LRRC4C: variants seen among roughly 807,000 people sequenced by gnomAD.
The protein encoded by LRRC4C is leucine-rich repeat-containing protein 4C.
In LRRC4C, 5 loss-of-function variants were observed where a neutral mutation model predicts 33.6. That is an observed-to-expected ratio of 0.15 (90% CI 0.08 to 0.31). The LOEUF is 0.31. LRRC4C is among the 10% of genes least tolerant of loss of function. LRRC4C has a pLI of 1.00. For synonymous variants in LRRC4C, 329 were observed against 302.0 expected (o/e 1.09, Z -0.93); for missense variants, 560 against 796.7 (o/e 0.70, Z 3.58).
At chr11:41,030,881 T>C (rs1245261643) in intron 1 of LRRC4C, among the ~76,000 whole-genome samples, 2 of 151,790 alleles carry the variant, frequency 1.3e-5, no homozygotes, top group African/African-American at 2.4e-5. Context: ...TTTCATTATA[T>C]ATGAGGCCAG....
chr11:41,149,244 G>A (rs533125078), intron 1 of LRRC4C, among the ~76,000 whole-genome samples: 49 of 152,234 alleles, frequency 3.2e-4, no homozygotes, highest in African/African-American at 1.1e-3. Flanking sequence ...GGTGGCTCAC[G>A]CCTGTAATCC....
At chr11:40,193,140 C>T (rs1190734628) in intron 5 of LRRC4C, among the ~76,000 whole-genome samples, 3 of 152,110 alleles carry the variant, frequency 2.0e-5, no homozygotes, top group African/African-American at 7.2e-5. Flanking sequence ...GGTTCCTGAC[C>T]CCTGTGCCTC....
intron 3 of LRRC4C, among the ~76,000 whole-genome samples, chr11:40,628,172 T>C (rs1963129171): frequency 6.6e-6 from 1 of 152,148 alleles, no homozygotes; most frequent in Non-Finnish European, 1.5e-5. Flanking sequence ...AGTCCAATGC[T>C]CAGAGATTAA....
intron 1 of LRRC4C, among the ~76,000 whole-genome samples, chr11:41,250,060 T>G: frequency 6.6e-6 from 1 of 151,894 alleles, no homozygotes; most frequent in East Asian, 1.9e-4. Context: ...TCCCAGCTAC[T>G]TGGGAGGCTG....
chr11:41,314,020 C>T (rs1950714483), intron 1 of LRRC4C, among the ~76,000 whole-genome samples: 1 of 152,092 alleles, frequency 6.6e-6, no homozygotes, highest in East Asian at 1.9e-4. Context: ...CCTTCATAGG[C>T]AGTTTCCTTC....
At chr11:40,790,072 C>A (rs1591726711) in intron 2 of LRRC4C, among the ~76,000 whole-genome samples, 1 of 152,118 alleles carries the variant, frequency 6.6e-6, no homozygotes, top group Admixed American at 6.5e-5. Flanking sequence ...GGAATTAAAA[C>A]CATATCCTTA....
intron 5 of LRRC4C, among the ~76,000 whole-genome samples, chr11:40,213,968 C>G (rs941566046): frequency 6.6e-6 from 1 of 152,124 alleles, no homozygotes; most frequent in Admixed American, 6.5e-5. Flanking sequence ...ACTTGCTCAA[C>G]CTCACACAGC....
intron 2 of LRRC4C, among the ~76,000 whole-genome samples, chr11:40,782,683 C>T (rs115951735): frequency 0.021 from 3,207 of 152,146 alleles, 100 homozygotes; most frequent in African/African-American, 0.074. Flanking sequence ...GTTCCTATGA[C>T]AAAGATTATT....
At chr11:41,324,673 T>C (rs1359809217) in intron 1 of LRRC4C, among the ~76,000 whole-genome samples, 1 of 152,170 alleles carries the variant, frequency 6.6e-6, no homozygotes, top group African/African-American at 2.4e-5. Context: ...AGACCCAAAA[T>C]TGTCATAAAG....
intron 1 of LRRC4C, among the ~76,000 whole-genome samples, chr11:40,966,290 AT>A (rs1851360496): frequency 6.6e-6 from 1 of 151,980 alleles, no homozygotes; most frequent in South Asian, 2.1e-4. Flanking sequence ...GTAGAAAGTC[AT>A]TTAAGATGCA....
intron 4 of LRRC4C, among the ~76,000 whole-genome samples, chr11:40,319,370 G>A (rs183828214): frequency 6.6e-6 from 1 of 152,290 alleles, no homozygotes; most frequent in African/African-American, 2.4e-5. Flanking sequence ...GCCATGTTGG[G>A]AGAGCCTGCA....
At chr11:40,635,524 C>T (rs907287271) in intron 3 of LRRC4C, among the ~76,000 whole-genome samples, 1 of 151,570 alleles carries the variant, frequency 6.6e-6, no homozygotes, top group Non-Finnish European at 1.5e-5. Context: ...GACATGTCTA[C>T]CAAAATGCAG....
At position 41,227,694 on chromosome 11, in the gene LRRC4C, T is replaced by C. The variant is rs78284751; in HGVS notation, c.-496+231737A>G. Among the ~76,000 whole-genome samples, 6 of 152,156 alleles carry C rather than the reference T, an allele frequency of 3.9e-5. No homozygotes were observed. The East Asian group carries it at 1.2e-3, about 29-fold the overall frequency. ...TTTATTAACCTCCGAACTTTTTTCT[T>C]TCCAGATTGATATAGTTTAAATAAT... On this transcript the variant is annotated intron_variant, in intron 1 of 6. Coordinates refer to ENST00000528697, the MANE Select transcript of LRRC4C (RefSeq NM_001258419.2).
chr11:41,382,845 C>T (rs977764349), intron 1 of LRRC4C, among the ~76,000 whole-genome samples: 11 of 152,110 alleles, frequency 7.2e-5, no homozygotes, highest in African/African-American at 2.4e-4. Flanking sequence ...AAGGTACTCT[C>T]TTCAAAACAG....
chr11:40,956,386 A>G (rs1375308124), intron 1 of LRRC4C, among the ~76,000 whole-genome samples: 5 of 151,698 alleles, frequency 3.3e-5, no homozygotes, highest in Admixed American at 2.0e-4. Context: ...GCTGGTAGAC[A>G]CTGTCTGTAA....
chr11:40,366,088 G>A (rs1320616625), intron 3 of LRRC4C, among the ~76,000 whole-genome samples: 1 of 151,414 alleles, frequency 6.6e-6, no homozygotes, highest in East Asian at 1.9e-4. Context: ...TTAAAACTGT[G>A]TTTTGTTTTT....
chr11:41,200,014 C>A (rs1946341444), intron 1 of LRRC4C, among the ~76,000 whole-genome samples: 1 of 152,134 alleles, frequency 6.6e-6, no homozygotes, highest in African/African-American at 2.4e-5. Flanking sequence ...GTCCTATGTA[C>A]TTTTATGAGA....
intron 2 of LRRC4C, among the ~76,000 whole-genome samples, chr11:40,898,530 A>T (rs1592029433): frequency 6.6e-6 from 1 of 152,018 alleles, no homozygotes; most frequent in East Asian, 1.9e-4. Context: ...ATGGCTCTAA[A>T]TTCATGCTTC....
At chr11:40,463,453 A>G (rs1952504798) in intron 3 of LRRC4C, among the ~76,000 whole-genome samples, 1 of 151,996 alleles carries the variant, frequency 6.6e-6, no homozygotes, top group African/African-American at 2.4e-5. Flanking sequence ...ATTTGCAATA[A>G]AAAGAGAAAG....
Sources: allele counts gnomAD v4.1 joint callset (sites outside exome capture counted in the v4.1 genomes callset), GRCh38; gene constraint gnomAD v4.1.1; transcripts MANE v1.5; gene names NCBI Gene and HGNC (gene_info 2026-07-23, HGNC 2026-07-21).